The following FBXO25 variants were observed in gnomAD, a reference collection of about 807,000 sequenced individuals.
FBXO25 encodes F-box only protein 25.
In FBXO25, 45 loss-of-function variants were observed where a neutral mutation model predicts 51.9. That is an observed-to-expected ratio of 0.87 (90% CI 0.68 to 1.11). The LOEUF (loss-of-function observed/expected upper bound fraction) is 1.11, where lower values mean the gene tolerates loss of function less well. Ranked by LOEUF, FBXO25 falls within the 50% of genes most tolerant of loss-of-function variation. The probability of loss-of-function intolerance (pLI) is 0.00; values close to 1 mark genes in which losing one functional copy is unlikely to be tolerated. For missense variants in FBXO25, 507 were observed against 428.5 expected (o/e 1.18, Z -1.62); for synonymous variants, 199 against 151.0 (o/e 1.32, Z -2.33).
At position 471,170 on chromosome 8, in the gene FBXO25, T is replaced by C. The variant is rs1481650283; in HGVS notation, c.*2366T>C. The stretch of plus-strand genomic sequence containing the variant: ...TATTTCCACAGGCCATGGACACAGC[T>C]AGCCGCATTGCCACTGCATGGGTCA... On this transcript the variant is annotated 3_prime_UTR_variant, in exon 10 of 10. Coordinates refer to ENST00000350302, the MANE Select transcript of FBXO25 (RefSeq NM_183420.2). The C allele has an allele frequency of 2.0e-5, 3 of 152,246 alleles. No individual in the cohort carries two copies. The highest frequency in any genetic ancestry group is 4.1e-4 in the South Asian group (2 of 4,834). 9.4% of individuals were successfully genotyped at this position (152,246 alleles called of 1,614,324 possible).
chr8:432,095 A>G (rs1031592830), intron 3 of FBXO25, among the ~76,000 whole-genome samples: 1 of 152,238 alleles, frequency 6.6e-6, no homozygotes, highest in African/African-American at 2.4e-5. Context: ...TGAAACAGTT[A>G]TAGCAAGATG....
Position 471,581 on chromosome 8 carries a change from C to G in FBXO25, c.*2777C>G, listed in dbSNP as rs991676088. The G allele has an allele frequency of 3.9e-5, 6 of 152,156 alleles. No individual in the cohort carries two copies. The highest frequency in any genetic ancestry group is 6.5e-5 in the Admixed American group (1 of 15,272). 9.4% of individuals were successfully genotyped at this position (152,156 alleles called of 1,614,324 possible). On this transcript the variant is annotated 3_prime_UTR_variant, in exon 10 of 10. Transcript: ENST00000350302. ...CCCATCGCTCCTGTGAAAGGCAATG[C>G]CAGACACTCTCAAGATAGAATCTCC...
chr8:461,913 G>C (rs1799842790), intron 8 of FBXO25, among the ~76,000 whole-genome samples: 1 of 152,152 alleles, frequency 6.6e-6, no homozygotes, highest in South Asian at 2.1e-4. Context: ...TTGACATTTA[G>C]TTTGTTTGAT....
chr8:442,300 T>TA (rs199681452), intron 5 of FBXO25, among the ~76,000 whole-genome samples: 2 of 150,144 alleles, frequency 1.3e-5, no homozygotes, highest in Non-Finnish European at 3.0e-5. Context: ...TTTTTTTTTT[T>TA]ACCACAGTTA....
chr8:423,035 C>G (rs1033285503), intron 2 of FBXO25, among the ~76,000 whole-genome samples: 6 of 152,172 alleles, frequency 3.9e-5, no homozygotes, highest in Non-Finnish European at 7.3e-5. Context: ...CTGTTTGTGT[C>G]TTTGTGCAGT....
chr8:428,546 T>G (rs1486405288), intron 2 of FBXO25, among the ~76,000 whole-genome samples: 1 of 149,670 alleles, frequency 6.7e-6, no homozygotes, highest in Non-Finnish European at 1.5e-5. Context: ...AAAATACACA[T>G]AACATAAAAT....
intron 1 of FBXO25, among the ~76,000 whole-genome samples, chr8:408,653 T>C (rs1000796591): frequency 6.6e-6 from 1 of 152,240 alleles, no homozygotes; most frequent in African/African-American, 2.4e-5. Context: ...AGAAAAAATA[T>C]GCTTGTTGAA....
intron 9 of FBXO25, chr8:467,930 T>C: frequency 1.4e-6 from 2 of 1,439,094 alleles, no homozygotes; most frequent in Non-Finnish European, 1.8e-6. Context: ...AGGACGAGAG[T>C]GTTGATGAAA....
At chr8:438,074 A>T (rs35051996) in intron 5 of FBXO25, among the ~76,000 whole-genome samples, 13,138 of 146,066 alleles carry the variant, frequency 0.09, 731 homozygotes, top group South Asian at 0.15. Flanking sequence ...TTTTTTTTTT[A>T]GATGGAGTCT....
intron 7 of FBXO25, among the ~76,000 whole-genome samples, chr8:454,072 C>T (rs1235516767): frequency 2.0e-5 from 3 of 151,952 alleles, no homozygotes; most frequent in East Asian, 1.9e-4. Flanking sequence ...TGCAGTGAGC[C>T]GAGATCGTGC....
chr8:415,137 C>T (rs892435847), intron 2 of FBXO25, among the ~76,000 whole-genome samples: 12 of 152,174 alleles, frequency 7.9e-5, no homozygotes, highest in African/African-American at 2.9e-4. Context: ...AAACATAGTA[C>T]TCCTAATTCT....
At chr8:455,854 C>T (rs544000297) in intron 7 of FBXO25, among the ~76,000 whole-genome samples, 1 of 152,350 alleles carries the variant, frequency 6.6e-6, no homozygotes, top group East Asian at 1.9e-4. Context: ...TGCCTTGTCA[C>T]ATTTCGAGAT....
rs1800585902 is a variant in FBXO25 at position 474,551 on chromosome 8, T to C, written c.*5747T>C. On this transcript the variant is annotated 3_prime_UTR_variant, in exon 10 of 10. Transcript: ENST00000350302. ...GTTTTGCCACATCCTTGCCAACACC[T>C]GTTTTTAATAATTGCCATCCTAATG... 2.9e-6 allele frequency: 1 copy of C among 350,434 alleles called. No homozygotes were observed. The highest frequency in any genetic ancestry group is 5.5e-6 in the Non-Finnish European group (1 of 182,168). The allele number at this position is 350,434 out of a possible 1,614,324, so 21.7% of individuals were successfully genotyped here. A position where few individuals can be genotyped will look rare whatever the true frequency, so the allele number is the denominator to read the frequency against.
chr8:434,972 A>G (rs1319231574), intron 4 of FBXO25, among the ~76,000 whole-genome samples: 5 of 152,126 alleles, frequency 3.3e-5, no homozygotes, highest in African/African-American at 1.2e-4. Context: ...CCAGCCTGAA[A>G]GCTGCCCGTG....
intron 5 of FBXO25, among the ~76,000 whole-genome samples, chr8:446,048 G>A (rs1771394385): frequency 6.6e-6 from 1 of 152,074 alleles, no homozygotes; most frequent in Non-Finnish European, 1.5e-5. Flanking sequence ...TGTCTGGTGG[G>A]ATGGAGGGGA....
At chr8:467,822 C>T in intron 9 of FBXO25, 2 of 1,604,224 alleles carry the variant, frequency 1.2e-6, no homozygotes, top group Non-Finnish European at 1.7e-6. Context: ...TGCACGTCAT[C>T]TTGGCCACTG....
Position 413,231 on chromosome 8 carries a change from A to G in FBXO25, c.134+18A>G. The G allele has an allele frequency of 1.3e-6, 2 of 1,555,780 alleles. No individual in the cohort carries two copies. The highest frequency in any genetic ancestry group is 1.7e-6 in the Non-Finnish European group (2 of 1,154,834). On this transcript the variant is annotated intron_variant, in intron 2 of 9. Coordinates refer to ENST00000350302, the MANE Select transcript of FBXO25 (RefSeq NM_183420.2). ...CACAGCATGTAAGTTACAGCTGAGC[A>G]GAACCATGCCATTTGCCAGTTTAGC...
rs1800597238 is a variant in FBXO25, at chr8:474,865, G to A, written c.*6061G>A. 2.2e-6 allele frequency: 1 copy of A among 448,798 alleles called. No homozygotes were observed. Among genetic ancestry groups the A allele is most frequent in the Non-Finnish European group, 4.4e-6 (1 of 225,032 alleles). 27.8% of individuals were successfully genotyped at this position (448,798 alleles called of 1,614,324 possible). ...CTTTTAGTTACCTGTGTGTGCCTCT[G>A]GTGTCATATCTAAGAAATCACTGCC... On this transcript the variant is annotated 3_prime_UTR_variant, in exon 10 of 10. Coordinates refer to ENST00000350302, the MANE Select transcript of FBXO25 (RefSeq NM_183420.2).
At chr8:412,329 G>A (rs1429806029) in intron 1 of FBXO25, among the ~76,000 whole-genome samples, 2 of 152,150 alleles carry the variant, frequency 1.3e-5, no homozygotes, top group Non-Finnish European at 2.9e-5. Flanking sequence ...TTTCCAGACA[G>A]TCTTCAAGTA....
Sources: gnomAD v4.1 joint callset for allele counts (sites outside exome capture counted in the v4.1 genomes callset) on GRCh38, gnomAD v4.1.1 for gene constraint, MANE v1.5 for transcripts, NCBI Gene and HGNC (gene_info 2026-07-23, HGNC 2026-07-21) for gene names.